GADL1: variants seen among roughly 807,000 people sequenced by gnomAD.
GADL1 encodes the protein acidic amino acid decarboxylase GADL1.
Under a neutral mutation model 69.5 loss-of-function variants are expected in GADL1, and 71 were observed. That is an observed-to-expected ratio of 1.02 (90% CI 0.84 to 1.25). The LOEUF is 1.25. Ranked by LOEUF, GADL1 falls within the 50% of genes most tolerant of loss-of-function variation. The pLI, the probability that GADL1 is intolerant of heterozygous loss-of-function variation, is 0.00. For synonymous variants in GADL1, 254 were observed against 214.4 expected (o/e 1.18, Z -1.62); for missense variants, 737 against 631.8 (o/e 1.17, Z -1.79).
intron 14 of GADL1, among the ~76,000 whole-genome samples, chr3:30,751,689 C>CT (rs1379670430): frequency 3.9e-5 from 6 of 152,158 alleles, no homozygotes; most frequent in African/African-American, 1.4e-4. Flanking sequence ...CTAGTCTTAA[C>CT]TACAATCGTG....
intron 1 of GADL1, 78 bp downstream of exon 1, chr3:30,894,500 C>T (rs1354674385): frequency 1.2e-5 from 14 of 1,196,410 alleles, no homozygotes; most frequent in Non-Finnish European, 1.7e-5. Flanking sequence ...ACTTCTAGTC[C>T]CCAGGTCAAA....
At position 30,727,542 on chromosome 3, in the gene GADL1, C is replaced by G. The variant is rs376176159; in HGVS notation, c.*700G>C. The G allele has an allele frequency of 5.3e-5, 8 of 152,092 alleles. No homozygotes were observed. The South Asian group carries it at 1.2e-3, about 24-fold the overall frequency. 9.4% of individuals were successfully genotyped at this position (152,092 alleles called of 1,614,324 possible). ...GAAGTAAACATCTTATACAGTTTCT[C>G]TCTTTAAAAATAGCTTTGACATGCT... is the stretch of plus-strand genomic sequence containing the variant. On this transcript the variant is annotated 3_prime_UTR_variant, in exon 15 of 15. Coordinates refer to ENST00000282538, the MANE Select transcript of GADL1 (RefSeq NM_207359.3).
chr3:30,849,758 C>A (rs1461216191), intron 6 of GADL1, among the ~76,000 whole-genome samples: 4 of 151,860 alleles, frequency 2.6e-5, no homozygotes, highest in Non-Finnish European at 4.4e-5. Flanking sequence ...ATTAAATATT[C>A]TTTTCTTAAA....
chr3:30,816,540 T>G (rs1267002306), intron 11 of GADL1, among the ~76,000 whole-genome samples: 4,464 of 64,540 alleles, frequency 0.069, 371 homozygotes, highest in South Asian at 0.2. Flanking sequence ...CTTTTTTTTT[T>G]TTTTTTTTTT....
At chr3:30,855,089 G>A (rs1236381910) in intron 3 of GADL1, among the ~76,000 whole-genome samples, 1 of 151,966 alleles carries the variant, frequency 6.6e-6, no homozygotes, top group African/African-American at 2.4e-5. Flanking sequence ...GCACAGCTAC[G>A]TACAAATTCA....
intron 14 of GADL1, among the ~76,000 whole-genome samples, chr3:30,769,572 C>T (rs886204487): frequency 6.6e-6 from 1 of 151,772 alleles, no homozygotes; most frequent in Admixed American, 6.6e-5. Context: ...CTACAAAGAA[C>T]ATCTAGGAAG....
At chr3:30,890,088 A>G (rs1698766736) in intron 1 of GADL1, among the ~76,000 whole-genome samples, 1 of 152,242 alleles carries the variant, frequency 6.6e-6, no homozygotes, top group South Asian at 2.1e-4. Context: ...TAGATGTTCC[A>G]AACAATGCCT....
intron 11 of GADL1, among the ~76,000 whole-genome samples, chr3:30,815,033 G>A: frequency 6.6e-6 from 1 of 151,732 alleles, no homozygotes; most frequent in East Asian, 1.9e-4. Context: ...TAAATACTTA[G>A]CCACTAAAAG....
In GADL1 at chr3:30,728,246, A is replaced by G. The variant is rs1695398595; in HGVS notation, c.1562T>C (p.Met521Thr). 1.2e-6 allele frequency: 2 copies of G among 1,613,262 alleles called. No homozygotes were observed. The highest frequency in any genetic ancestry group is 4.5e-5 in the East Asian group (2 of 44,860). Residue 521 changes from methionine (M) to threonine (T), a missense_variant, in exon 15 of 15, where the codon ATG becomes ACG. By Grantham distance (81) the Met-to-Thr change is moderately conservative. Transcript: ENST00000282538. ...LDEIDLLGKD[M>T] ...TCTGGGGGACCAAAGCCACAGCTAC[A>G]TGTCTTTACCCAGTAAGTCTATCTC...
At chr3:30,777,004 TCTA>T (rs1696555780) in intron 14 of GADL1, among the ~76,000 whole-genome samples, 2 of 152,354 alleles carry the variant, frequency 1.3e-5, no homozygotes, top group South Asian at 2.1e-4. Context: ...ACCCTTTCTC[TCTA>T]CTTTCACTGC....
intron 14 of GADL1, among the ~76,000 whole-genome samples, chr3:30,753,683 GATA>G (rs1264273435): frequency 6.6e-6 from 1 of 152,138 alleles, no homozygotes; most frequent in African/African-American, 2.4e-5. Context: ...TTCATATTTA[GATA>G]ATATGAGGAA....
At chr3:30,778,309 T>A in intron 13 of GADL1, 41 bp from the exon 14 acceptor site, 3 of 1,210,526 alleles carry the variant, frequency 2.5e-6, no homozygotes, top group Non-Finnish European at 3.6e-6. Context: ...TCTTAAGATT[T>A]ATCTTAGAAT....
chr3:30,760,364 CTT>C (rs775879733), intron 14 of GADL1, among the ~76,000 whole-genome samples: 1 of 152,138 alleles, frequency 6.6e-6, no homozygotes, highest in Non-Finnish European at 1.5e-5. Flanking sequence ...GCTTTAGTCT[CTT>C]TTAAATATCA....
At position 30,838,959 on chromosome 3, in the gene GADL1, CA is replaced by C. The variant is rs1370801359; in HGVS notation, c.903+37del. ...ATTTCTACCAAGGCTACAAAAAGAC[CA>C]AAGGTTAAACAGGTATGTACACATA... is the stretch of plus-strand genomic sequence containing the variant. On this transcript the variant is annotated intron_variant, in intron 9 of 14. Transcript: ENST00000282538. 2.4e-6 allele frequency: 3 copies of C among 1,261,340 alleles called. 1 individual carries two copies. The highest frequency in any genetic ancestry group is 3.3e-6 in the Non-Finnish European group (3 of 903,594). 78.1% of individuals were successfully genotyped at this position (1,261,340 alleles called of 1,614,324 possible).
At chr3:30,785,758 ATATAC>A (rs1418802311) in intron 13 of GADL1, among the ~76,000 whole-genome samples, 1 of 152,332 alleles carries the variant, frequency 6.6e-6, no homozygotes, top group East Asian at 1.9e-4. Flanking sequence ...GCTATAATAC[ATATAC>A]TATAACAAAA....
At chr3:30,853,549 A>T (rs547705208) in intron 4 of GADL1, among the ~76,000 whole-genome samples, 1 of 152,180 alleles carries the variant, frequency 6.6e-6, no homozygotes, top group African/African-American at 2.4e-5. Context: ...GTCACTGCAA[A>T]CTCAAATGCC....
chr3:30,817,584 C>A lies in GADL1; in HGVS notation c.1050+16269G>T, dbSNP rs1486848072. ...TGCTACCTCACAGGCAGAAAACAATCTTTTCCTTATTACATATAAATTTCT... is the reference window on the plus strand; with the variant it reads ...TGCTACCTCACAGGCAGAAAACAATATTTTCCTTATTACATATAAATTTCT... On this transcript the variant is annotated intron_variant, in intron 11 of 14. Transcript: ENST00000282538. Among the ~76,000 whole-genome samples the A allele has an allele frequency of 2.0e-5, 3 of 152,250 alleles. No individual in the cohort carries two copies. The East Asian group carries it at 5.8e-4, about 29-fold the overall frequency.
intron 1 of GADL1, among the ~76,000 whole-genome samples, chr3:30,877,390 C>T (rs776991569): frequency 4.0e-5 from 6 of 151,830 alleles, no homozygotes; most frequent in Non-Finnish European, 8.8e-5. Context: ...TTCTAAAATT[C>T]TCTTTTTTGT....
chr3:30,885,549 G>A lies in GADL1; in HGVS notation c.37+9029C>T, dbSNP rs116965435. ...CTCATTACAGAAAATACAGACAAGC[G>A]AATGAATCTAAGAAAAATTCTATTA... On this transcript the variant is annotated intron_variant, in intron 1 of 14. Coordinates refer to ENST00000282538, the MANE Select transcript of GADL1 (RefSeq NM_207359.3). 8.5e-5 allele frequency among the ~76,000 whole-genome samples: 13 copies of A among 152,056 alleles called. No individual in the cohort carries two copies. The East Asian group carries it at 1.9e-3, about 23-fold the overall frequency.
Sources: allele counts gnomAD v4.1 joint callset (sites outside exome capture counted in the v4.1 genomes callset), GRCh38; gene constraint gnomAD v4.1.1; transcripts MANE v1.5; gene names NCBI Gene and HGNC (gene_info 2026-07-23, HGNC 2026-07-21).